The following GNAQ variants were observed in gnomAD, a reference collection of about 807,000 sequenced individuals.
The protein encoded by GNAQ is G protein subunit alpha q.
A neutral mutation model predicts 43.9 loss-of-function variants in GNAQ; 8 were observed. That is an observed-to-expected ratio of 0.18 (90% CI 0.11 to 0.33). The LOEUF is 0.33. GNAQ is among the 10% of genes least tolerant of loss of function. The pLI is 1.00. For missense variants in GNAQ, 158 were observed against 450.8 expected, an observed-to-expected ratio of 0.35 and a Z score of 5.88; for synonymous variants, 155 against 170.7, an observed-to-expected ratio of 0.91 and a Z score of 0.71.
chr9:77,760,576 G>C (rs888479127), intron 5 of GNAQ, among the ~76,000 whole-genome samples: 2 of 151,958 alleles, frequency 1.3e-5, no homozygotes, highest in Non-Finnish European at 2.9e-5. Context: ...CCTCCCAGCC[G>C]CCTGCCTTGG....
chr9:77,983,151 C>G (rs1456044208), intron 1 of GNAQ, among the ~76,000 whole-genome samples: 1 of 152,180 alleles, frequency 6.6e-6, no homozygotes, highest in Non-Finnish European at 1.5e-5. Context: ...ACACTGCCTA[C>G]ATAGAAACTG....
intron 2 of GNAQ, among the ~76,000 whole-genome samples, chr9:77,857,873 T>G (rs201159694): frequency 5.9e-5 from 1 of 17,012 alleles, no homozygotes; most frequent in East Asian, 9.5e-4. Context: ...GCAATAAAGG[T>G]TTTTTTTTTT....
intron 2 of GNAQ, among the ~76,000 whole-genome samples, chr9:77,908,921 C>T (rs1383123485): frequency 6.6e-6 from 1 of 152,184 alleles, no homozygotes; most frequent in East Asian, 1.9e-4. Flanking sequence ...GTTCGAGAAG[C>T]AATACTCTAG....
At chr9:78,023,588 T>C (rs1214418634) in intron 1 of GNAQ, among the ~76,000 whole-genome samples, 4 of 151,478 alleles carry the variant, frequency 2.6e-5, no homozygotes, top group Non-Finnish European at 5.9e-5. Context: ...AAATACATGG[T>C]GGTAGAAGAT....
At chr9:77,821,033 G>A (rs1827105182) in intron 2 of GNAQ, among the ~76,000 whole-genome samples, 1 of 152,096 alleles carries the variant, frequency 6.6e-6, no homozygotes, top group Non-Finnish European at 1.5e-5. Flanking sequence ...TGATGAAAAG[G>A]AAAAATAGAG....
chr9:77,955,778 A>G (rs1054508075), intron 1 of GNAQ, among the ~76,000 whole-genome samples: 3 of 152,208 alleles, frequency 2.0e-5, no homozygotes, highest in Non-Finnish European at 4.4e-5. Context: ...AAACCTTTAG[A>G]TTTACAGGAC....
intron 1 of GNAQ, among the ~76,000 whole-genome samples, chr9:77,974,601 T>C (rs1467163707): frequency 6.6e-6 from 1 of 152,196 alleles, no homozygotes; most frequent in African/African-American, 2.4e-5. Context: ...CCTAACATCT[T>C]GGAGGTCAGA....
At chr9:78,017,109 A>T (rs1397963730) in intron 1 of GNAQ, among the ~76,000 whole-genome samples, 1 of 152,228 alleles carries the variant, frequency 6.6e-6, no homozygotes, top group Non-Finnish European at 1.5e-5. Context: ...ATCAAAGTAA[A>T]TATTCATTAA....
intron 2 of GNAQ, among the ~76,000 whole-genome samples, chr9:77,850,506 T>C (rs570166554): frequency 1.3e-5 from 2 of 152,320 alleles, no homozygotes; most frequent in East Asian, 1.9e-4. Flanking sequence ...TTCTCCACAG[T>C]GTGATGGAAT....
chr9:77,839,400 T>C (rs1448508861), intron 2 of GNAQ, among the ~76,000 whole-genome samples: 2 of 152,250 alleles, frequency 1.3e-5, no homozygotes, highest in South Asian at 4.1e-4. Context: ...CTCTCAACTT[T>C]ATCCAGAGAC....
At position 77,717,096 on chromosome 9, in the gene GNAQ, A is replaced by C. The variant is rs2118175228; in HGVS notation, c.*4227T>G. 2 of 232,680 alleles carry C rather than the reference A, an allele frequency of 8.6e-6. No individual in the cohort carries two copies. The highest frequency in any genetic ancestry group is 1.2e-4 in the East Asian group (2 of 16,432). The allele number at this position is 232,680 out of a possible 1,614,324, so 14.4% of individuals were successfully genotyped here. On this transcript the variant is annotated 3_prime_UTR_variant, in exon 7 of 7. Coordinates refer to ENST00000286548, the MANE Select transcript of GNAQ (RefSeq NM_002072.5). The stretch of plus-strand genomic sequence containing the variant: ...TTGATGGAACCAAAATGAAATCCCA[A>C]AGACACAGTTACCAGGACAGATCTA...
intron 1 of GNAQ, among the ~76,000 whole-genome samples, chr9:77,995,594 G>A (rs1346355026): frequency 1.3e-5 from 2 of 152,090 alleles, no homozygotes; most frequent in Admixed American, 1.3e-4. Context: ...GGACTCAAGT[G>A]ACCCTTCCAC....
At chr9:77,869,577 T>C (rs758337818) in intron 2 of GNAQ, among the ~76,000 whole-genome samples, 15 of 152,178 alleles carry the variant, frequency 9.9e-5, no homozygotes, top group Admixed American at 6.5e-5. Flanking sequence ...CCTTCCTAAA[T>C]ACTACTCTAA....
intron 5 of GNAQ, among the ~76,000 whole-genome samples, chr9:77,763,442 T>C (rs1826086948): frequency 6.6e-6 from 1 of 152,256 alleles, no homozygotes; most frequent in South Asian, 2.1e-4. Flanking sequence ...CTGGGCAACA[T>C]GGCAAGACCC....
intron 5 of GNAQ, among the ~76,000 whole-genome samples, chr9:77,785,460 T>TA (rs1403777279): frequency 6.6e-6 from 1 of 152,168 alleles, no homozygotes; most frequent in Non-Finnish European, 1.5e-5. Context: ...TCAAGAGTCC[T>TA]AGGAAGCTAA....
intron 1 of GNAQ, among the ~76,000 whole-genome samples, chr9:77,926,373 A>T (rs1397535880): frequency 1.3e-5 from 2 of 152,222 alleles, no homozygotes; most frequent in African/African-American, 4.8e-5. Flanking sequence ...CATGAAAATG[A>T]AAACTGTAAG....
At chr9:77,876,704 C>A (rs1239254137) in intron 2 of GNAQ, among the ~76,000 whole-genome samples, 1 of 152,148 alleles carries the variant, frequency 6.6e-6, no homozygotes, top group Non-Finnish European at 1.5e-5. Context: ...CTCCTAATAA[C>A]CTATATGATA....
chr9:77,742,094 T>G (rs1825661230), intron 5 of GNAQ, among the ~76,000 whole-genome samples: 1 of 152,212 alleles, frequency 6.6e-6, no homozygotes, highest in Non-Finnish European at 1.5e-5. Context: ...AAAGCAATGT[T>G]TACTGTCTGC....
chr9:77,852,982 C>A lies in GNAQ; in HGVS notation c.322-37212G>T, dbSNP rs555504733. Among the ~76,000 whole-genome samples the A allele has an allele frequency of 5.3e-5, 8 of 152,248 alleles. No individual in the cohort carries two copies. The South Asian group carries it at 1.7e-3, about 32-fold the overall frequency. On this transcript the variant is annotated intron_variant, in intron 2 of 6. Coordinates refer to ENST00000286548, the MANE Select transcript of GNAQ (RefSeq NM_002072.5). ...AGAATAATGGTTCTCTCAGCATAAACCTTCAAGAACGTCCAGATGGAGAAA... is the reference window on the plus strand; with the variant it reads ...AGAATAATGGTTCTCTCAGCATAAAACTTCAAGAACGTCCAGATGGAGAAA...
Sources: gnomAD v4.1 joint callset for allele counts (sites outside exome capture counted in the v4.1 genomes callset) on GRCh38, gnomAD v4.1.1 for gene constraint, MANE v1.5 for transcripts, NCBI Gene and HGNC (gene_info 2026-07-23, HGNC 2026-07-21) for gene names.